The following GPC5 variants were observed in gnomAD, a reference collection of about 807,000 sequenced individuals.
GPC5 encodes glypican 5.
GPC5 carries 47 observed loss-of-function variants against 53.9 expected under a neutral mutation model. That is an observed-to-expected ratio of 0.87 (90% CI 0.69 to 1.11). The LOEUF is 1.11. Ranked by LOEUF, GPC5 falls within the 50% of genes most tolerant of loss-of-function variation. The pLI is 0.00. For missense variants in GPC5, 748 were observed against 713.1 expected, an observed-to-expected ratio of 1.05 and a Z score of -0.56; for synonymous variants, 286 against 263.3, an observed-to-expected ratio of 1.09 and a Z score of -0.84.
intron 7 of GPC5, among the ~76,000 whole-genome samples, chr13:92,735,946 G>T (rs1417385954): frequency 1.3e-5 from 2 of 151,938 alleles, no homozygotes; most frequent in Admixed American, 6.6e-5. Flanking sequence ...ATTGATAATA[G>T]ATATACATGC....
chr13:92,641,844 G>T (rs1194136577), intron 7 of GPC5, among the ~76,000 whole-genome samples: 3 of 152,112 alleles, frequency 2.0e-5, no homozygotes, highest in African/African-American at 7.2e-5. Flanking sequence ...GAAAGGGAGT[G>T]GTAGGCATGT....
At chr13:91,407,689 G>A (rs1050471962) in intron 1 of GPC5, among the ~76,000 whole-genome samples, 4 of 152,102 alleles carry the variant, frequency 2.6e-5, no homozygotes, top group East Asian at 3.8e-4. Flanking sequence ...TACATCACTC[G>A]TCTGTGGAAC....
chr13:91,458,997 G>A (rs1035886429), intron 2 of GPC5, among the ~76,000 whole-genome samples: 1 of 152,058 alleles, frequency 6.6e-6, no homozygotes, highest in Non-Finnish European at 1.5e-5. Context: ...CTGATAAGTG[G>A]GAGCTAAGCT....
chr13:92,351,706 A>T (rs745563314), intron 7 of GPC5, among the ~76,000 whole-genome samples: 1 of 152,180 alleles, frequency 6.6e-6, no homozygotes, highest in African/African-American at 2.4e-5. Flanking sequence ...TTGCATTTCT[A>T]TACAAAGGCA....
At chr13:91,874,327 A>T (rs886646111) in intron 5 of GPC5, among the ~76,000 whole-genome samples, 6 of 152,108 alleles carry the variant, frequency 3.9e-5, no homozygotes, top group Non-Finnish European at 7.4e-5. Flanking sequence ...TTGAGGTACT[A>T]TTATATTAAC....
chr13:92,334,894 G>A (rs2043311914), intron 7 of GPC5, among the ~76,000 whole-genome samples: 1 of 152,096 alleles, frequency 6.6e-6, no homozygotes, highest in Admixed American at 6.5e-5. Flanking sequence ...TGTCTCTATG[G>A]CTTTGCAGGG....
intron 7 of GPC5, among the ~76,000 whole-genome samples, chr13:92,199,234 A>AT (rs910712115): frequency 6.6e-6 from 1 of 152,120 alleles, no homozygotes; most frequent in African/African-American, 2.4e-5. Flanking sequence ...TGAAAAGTGC[A>AT]TTTTTCTGTT....
intron 7 of GPC5, among the ~76,000 whole-genome samples, chr13:92,503,768 A>G (rs754359383): frequency 3.3e-5 from 5 of 151,886 alleles, no homozygotes; most frequent in Non-Finnish European, 5.9e-5. Context: ...GTCAAATTGC[A>G]TGAAATATAT....
intron 6 of GPC5, among the ~76,000 whole-genome samples, chr13:91,967,384 A>C (rs1372331674): frequency 6.6e-6 from 1 of 152,206 alleles, no homozygotes; most frequent in Non-Finnish European, 1.5e-5. Flanking sequence ...ATACTTTAAA[A>C]AATTTGTATT....
chr13:91,412,291 T>G (rs1462062949), intron 1 of GPC5, among the ~76,000 whole-genome samples: 2 of 152,358 alleles, frequency 1.3e-5, no homozygotes, highest in East Asian at 3.9e-4. Context: ...TCTTAGCCCT[T>G]GCTAGTCCAT....
intron 1 of GPC5, 130 bp from the exon 2 acceptor site, chr13:91,448,631 G>T: frequency 1.2e-6 from 1 of 817,384 alleles, no homozygotes; most frequent in Non-Finnish European, 1.8e-6. Context: ...CTTTCTTATA[G>T]CAAGTACTCT....
intron 7 of GPC5, among the ~76,000 whole-genome samples, chr13:92,733,234 T>C (rs1406498380): frequency 6.6e-6 from 1 of 151,738 alleles, no homozygotes; most frequent in South Asian, 2.1e-4. Flanking sequence ...AATGAAGATG[T>C]AGAGGAGCAA....
intron 4 of GPC5, among the ~76,000 whole-genome samples, chr13:91,747,947 A>G (rs1432146052): frequency 6.6e-6 from 1 of 152,186 alleles, no homozygotes; most frequent in African/African-American, 2.4e-5. Flanking sequence ...GGACTAAGTC[A>G]CTGGTTCTCA....
chr13:92,266,986 A>G (rs2139149595), intron 7 of GPC5, among the ~76,000 whole-genome samples: 1 of 152,158 alleles, frequency 6.6e-6, no homozygotes. Flanking sequence ...TCCTCCCACC[A>G]AAACTTTATT....
chr13:91,706,310 T>C (rs923378678), intron 3 of GPC5, among the ~76,000 whole-genome samples: 7 of 152,170 alleles, frequency 4.6e-5, no homozygotes, highest in African/African-American at 1.7e-4. Context: ...CATAGAGTTA[T>C]AAGTGATATT....
At chr13:92,555,049 T>C (rs1882447849) in intron 7 of GPC5, among the ~76,000 whole-genome samples, 1 of 151,280 alleles carries the variant, frequency 6.6e-6, no homozygotes, top group Non-Finnish European at 1.5e-5. Context: ...ATTATAAAAA[T>C]CTTATAAAAT....
chr13:92,693,548 T>C (rs894238974), intron 7 of GPC5, among the ~76,000 whole-genome samples: 1 of 152,174 alleles, frequency 6.6e-6, no homozygotes, highest in Non-Finnish European at 1.5e-5. Context: ...CCTAGAGATC[T>C]ATGGAAATTT....
At chr13:92,050,104 T>C (rs1326095101) in intron 6 of GPC5, among the ~76,000 whole-genome samples, 3 of 152,102 alleles carry the variant, frequency 2.0e-5, no homozygotes, top group Non-Finnish European at 4.4e-5. Context: ...GAAGACATGA[T>C]TCTAAGAGGA....
intron 6 of GPC5, among the ~76,000 whole-genome samples, chr13:91,938,054 G>T (rs946784163): frequency 6.6e-6 from 1 of 152,048 alleles, no homozygotes; most frequent in African/African-American, 2.4e-5. Flanking sequence ...AGCAAGTTCA[G>T]CTGAGATTTG....
Sources: gnomAD v4.1 joint callset for allele counts (sites outside exome capture counted in the v4.1 genomes callset) on GRCh38, gnomAD v4.1.1 for gene constraint, MANE v1.5 for transcripts, NCBI Gene and HGNC (gene_info 2026-07-23, HGNC 2026-07-21) for gene names.